The following LPIN1 variants were observed in gnomAD, a reference collection of about 807,000 sequenced individuals.
The protein encoded by LPIN1 is lipin 1.
Under a neutral mutation model 107.5 loss-of-function variants are expected in LPIN1, and 71 were observed. The observed-to-expected ratio is 0.66, with a 90% CI of 0.55 to 0.80. The LOEUF (loss-of-function observed/expected upper bound fraction) is 0.80, where lower values mean the gene tolerates loss of function less well. Among genes scored for constraint, LPIN1 ranks in the 30% least tolerant of loss-of-function variants. The probability of loss-of-function intolerance (pLI) is 0.00; values close to 1 mark genes in which losing one functional copy is unlikely to be tolerated. For synonymous variants in LPIN1, 445 were observed against 452.6 expected (o/e 0.98, Z 0.21); for missense variants, 1,043 against 1,160.6 (o/e 0.90, Z 1.47).
Position 11,824,874 on chromosome 2 carries a change from C to G in LPIN1, c.*83C>G, listed in dbSNP as rs1682169650. The stretch of plus-strand genomic sequence containing the variant: ...ATAGGTCTCCCCGGAGTGCACAGCT[C>G]CACCTGGGAGCCTGGCGCGTCATCA... On this transcript the variant is annotated 3_prime_UTR_variant, in exon 21 of 21. Coordinates refer to ENST00000674199, the MANE Select transcript of LPIN1 (RefSeq NM_001349206.2). 1 of 1,502,720 alleles carries G rather than the reference C, an allele frequency of 6.7e-7. No homozygotes were observed. The highest frequency in any genetic ancestry group is 9.2e-7 in the Non-Finnish European group (1 of 1,084,832). 93.1% of individuals were successfully genotyped at this position (1,502,720 alleles called of 1,614,324 possible).
rs138867246 is a variant in LPIN1, at chr2:11,804,473, C to G, written c.2064C>G (p.Thr688=). 1.9e-6 allele frequency: 3 copies of G among 1,614,190 alleles called. No homozygotes were observed. Among genetic ancestry groups the G allele is most frequent in the South Asian group, 2.2e-5 (2 of 91,082 alleles). ...NGPNDVVFSV[T]TQYQGTCRCE... is the part of the protein sequence containing the mutation. Reference sequence around the variant, plus strand: ...CCAACGACGTGGTTTTCAGTGTCACCACGCAGTACCAAGGCACGTGCCGCT... The same window carrying G: ...CCAACGACGTGGTTTTCAGTGTCACGACGCAGTACCAAGGCACGTGCCGCT... Residue 688 remains threonine, a synonymous_variant, in exon 16 of 21, where the codon ACC becomes ACG. Coordinates refer to ENST00000674199, the MANE Select transcript of LPIN1 (RefSeq NM_001349206.2).
chr2:11,801,437 T>C (rs1677713119), intron 14 of LPIN1, among the ~76,000 whole-genome samples: 1 of 152,208 alleles, frequency 6.6e-6, no homozygotes. Context: ...AAAGAATGAA[T>C]CCTGTCATTT....
chr2:11,751,506 C>T (rs1398869266), intron 1 of LPIN1, among the ~76,000 whole-genome samples: 1 of 152,224 alleles, frequency 6.6e-6, no homozygotes, highest in Non-Finnish European at 1.5e-5. Context: ...TTGTATGTAT[C>T]TCATTCCAGA....
intron 1 of LPIN1, among the ~76,000 whole-genome samples, chr2:11,759,137 C>CTT (rs757734302): frequency 5.0e-5 from 2 of 39,658 alleles, no homozygotes; most frequent in African/African-American, 1.0e-4. Context: ...TCTTTCTTTT[C>CTT]TTTCTTTCTT....
chr2:11,683,628 C>T (rs1661844118), intron 1 of LPIN1, among the ~76,000 whole-genome samples: 1 of 152,216 alleles, frequency 6.6e-6, no homozygotes, highest in Non-Finnish European at 1.5e-5. Context: ...CTCCTGCCTC[C>T]TCCTGGACTC....
intron 1 of LPIN1, among the ~76,000 whole-genome samples, chr2:11,758,263 T>A (rs1668981376): frequency 6.6e-6 from 1 of 151,214 alleles, no homozygotes; most frequent in African/African-American, 2.4e-5. Context: ...TGCTTTCAGT[T>A]TTTTTTTTTG....
intron 20 of LPIN1, among the ~76,000 whole-genome samples, chr2:11,823,576 A>C (rs1325671622): frequency 6.6e-6 from 1 of 152,062 alleles, no homozygotes; most frequent in African/African-American, 2.4e-5. Context: ...ACACTTCTGG[A>C]GTCTGGATTT....
At chr2:11,801,868 T>C (rs978499847) in intron 14 of LPIN1, among the ~76,000 whole-genome samples, 44 of 152,118 alleles carry the variant, frequency 2.9e-4, no homozygotes, top group African/African-American at 1.1e-3. Flanking sequence ...TATATACGTT[T>C]ATCAGAATAT....
intron 1 of LPIN1, among the ~76,000 whole-genome samples, chr2:11,712,019 G>T (rs1053704083): frequency 6.6e-6 from 1 of 152,196 alleles, no homozygotes; most frequent in Non-Finnish European, 1.5e-5. Flanking sequence ...TTTGAGGAGG[G>T]CATTCTTAAA....
rs76364927 is a variant in LPIN1, at chr2:11,824,460, C to T, written c.2622-172C>T. 0.017 allele frequency among the ~76,000 whole-genome samples: 2,613 copies of T among 151,924 alleles called. 86 individuals carry two copies. Among genetic ancestry groups the T allele is most frequent in the African/African-American group, 0.059 (2,439 of 41,422 alleles). On this transcript the variant is annotated intron_variant, in intron 20 of 20. Coordinates refer to ENST00000674199, the MANE Select transcript of LPIN1 (RefSeq NM_001349206.2). ...GCCTTGTTTGCATACTCTTCATTTTCATCTCTCATTTTCAATTAATCGATA... is the reference window on the plus strand; with the variant it reads ...GCCTTGTTTGCATACTCTTCATTTTTATCTCTCATTTTCAATTAATCGATA...
chr2:11,814,158 T>C (rs1050367025), intron 17 of LPIN1, among the ~76,000 whole-genome samples: 1 of 152,026 alleles, frequency 6.6e-6, no homozygotes, highest in African/African-American at 2.4e-5. Context: ...TGGGAAGCGG[T>C]GGCTGCTGAG....
At chr2:11,779,228 C>G (rs565535723) in intron 6 of LPIN1, among the ~76,000 whole-genome samples, 1 of 152,146 alleles carries the variant, frequency 6.6e-6, no homozygotes, top group Non-Finnish European at 1.5e-5. Context: ...GACTATTTTT[C>G]CCTTTCTCTT....
intron 3 of LPIN1, among the ~76,000 whole-genome samples, chr2:11,768,797 G>C (rs537138300): frequency 6.6e-6 from 1 of 152,118 alleles, no homozygotes; most frequent in African/African-American, 2.4e-5. Flanking sequence ...TTAGCTGGGC[G>C]TGGTGGCGGG....
At chr2:11,793,286 A>G (rs937108510) in intron 13 of LPIN1, among the ~76,000 whole-genome samples, 3 of 152,124 alleles carry the variant, frequency 2.0e-5, no homozygotes, top group African/African-American at 7.2e-5. Flanking sequence ...TGACGTGTCC[A>G]TGTCTCTCCA....
chr2:11,733,499 CTTTT>C (rs111274553), intron 1 of LPIN1, among the ~76,000 whole-genome samples: 1 of 143,356 alleles, frequency 7.0e-6, no homozygotes, highest in Non-Finnish European at 1.5e-5. Context: ...CTCTCTCTCT[CTTTT>C]TTTTTTTTTT....
rs766080987 is a variant in LPIN1, at chr2:11,771,633, A to T, written c.550A>T (p.Ile184Phe). 6.2e-7 allele frequency: 1 copy of T among 1,605,788 alleles called. No homozygotes were observed. The highest frequency in any genetic ancestry group is 2.2e-5 in the East Asian group (1 of 44,690). ...ATCTGAGGATGAGGACATGTTCCCCATCGAGATGAGCTCGGATGAGGCCAT... is the reference window on the plus strand; with the variant it reads ...ATCTGAGGATGAGGACATGTTCCCCTTCGAGATGAGCTCGGATGAGGCCAT... ...NTSEDEDMFP[I>F]EMSSDEAMEL... Residue 184 changes from isoleucine (I) to phenylalanine (F), a missense_variant, in exon 4 of 21, where the codon ATC becomes TTC. Physicochemically the swap from Ile to Phe is conservative, Grantham distance 21 (BLOSUM62 0). Coordinates refer to ENST00000674199, the MANE Select transcript of LPIN1 (RefSeq NM_001349206.2). The surrounding 1 kb of genome is among the most constrained non-coding windows in gnomAD (Gnocchi z 4.8).
In LPIN1 at chr2:11,736,501, C is replaced by A. The variant is rs548257611; in HGVS notation, c.-71-4848C>A. ...TCATGAGCTCATCTGAACTTAATCA[C>A]CTCCCAAAGGCTCCACCTCATCATA... is the stretch of plus-strand genomic sequence containing the variant. On this transcript the variant is annotated intron_variant, in intron 1 of 21. Coordinates refer to the LPIN1 transcript ENST00000396097. Among the ~76,000 whole-genome samples the A allele has an allele frequency of 3.3e-5, 5 of 152,288 alleles. No individual in the cohort carries two copies. The South Asian group carries it at 1.0e-3, about 32-fold the overall frequency.
exon 1 of LPIN1, chr2:11,724,361 G>A (rs990815712): frequency 1.0e-6 from 1 of 986,198 alleles, no homozygotes; most frequent in Non-Finnish European, 1.2e-6. Context: ...AAGCAAGCTG[G>A]AGAGGGAGAG....
chr2:11,724,971 G>A (rs1664454008), intron 1 of LPIN1, among the ~76,000 whole-genome samples: 1 of 152,152 alleles, frequency 6.6e-6, no homozygotes, highest in South Asian at 2.1e-4. Context: ...TATTAACATG[G>A]GGAATGCGTG....
Sources: allele counts gnomAD v4.1 joint callset (sites outside exome capture counted in the v4.1 genomes callset), GRCh38; gene constraint gnomAD v4.1.1; non-coding constraint Gnocchi (gnomAD v3.1); transcripts MANE v1.5; gene names NCBI Gene and HGNC (gene_info 2026-07-23, HGNC 2026-07-21).